Variants in SGCD observed in about 807,000 individuals in gnomAD.
The protein encoded by SGCD is sarcoglycan delta, also known as delta-sarcoglycan.
In SGCD, 18 loss-of-function variants were observed where a neutral mutation model predicts 36.6. The observed-to-expected ratio is 0.49, with a 90% CI of 0.34 to 0.73. The LOEUF (loss-of-function observed/expected upper bound fraction) is 0.73. Among genes scored for constraint, SGCD ranks in the 30% least tolerant of loss-of-function variants. The pLI is 0.01. For missense variants in SGCD, 387 were observed against 346.7 expected (o/e 1.12, Z -0.92); for synonymous variants, 133 against 130.6 (o/e 1.02, Z -0.12).
chr5:156,607,368 A>G (rs1241369006), intron 6 of SGCD, among the ~76,000 whole-genome samples: 1 of 152,202 alleles, frequency 6.6e-6, no homozygotes, highest in Non-Finnish European at 1.5e-5. Context: ...GTGTATGTTG[A>G]ACCAGCCTTG....
rs113134499 is a variant in SGCD, at chr5:156,573,104, C to A, written c.295-16127C>A. Among the ~76,000 whole-genome samples the A allele has an allele frequency of 2.2e-3, 336 of 152,036 alleles. 1 individual carries two copies. Among genetic ancestry groups the A allele is most frequent in the African/African-American group, 7.6e-3 (316 of 41,486 alleles). On this transcript the variant is annotated intron_variant, in intron 4 of 8. Coordinates refer to ENST00000337851, the MANE Select transcript of SGCD (RefSeq NM_000337.6). ...TATGATTATGAACATATTGTTTATT[C>A]ATGACTTTTTATGATCATAAAAACA...
chr5:155,860,075 CAGAG>C, the SGCD span, among the ~76,000 whole-genome samples: 3,189 of 152,288 alleles, frequency 0.021, 112 homozygotes, highest in African/African-American at 0.072. Context: ...AATGTGGAGG[CAGAG>C]AGAGAACAAT....
chr5:156,072,257 A>T (rs58999231), intron 1 of SGCD, among the ~76,000 whole-genome samples: 21,614 of 151,974 alleles, frequency 0.14, 1,791 homozygotes, highest in Admixed American at 0.22. Context: ...ATGATTTTGC[A>T]GTGGCTGGTA....
intron 3 of SGCD, among the ~76,000 whole-genome samples, chr5:156,474,330 GT>G (rs1755091108): frequency 1.4e-5 from 2 of 146,374 alleles, no homozygotes; most frequent in Non-Finnish European, 3.1e-5. Context: ...TGCAAGCACC[GT>G]GTGTCAGGAT....
chr5:156,033,094 A>G (rs1561689519), intron 1 of SGCD, among the ~76,000 whole-genome samples: 1 of 149,430 alleles, frequency 6.7e-6, no homozygotes, highest in Non-Finnish European at 1.5e-5. Context: ...ATAAAATTAA[A>G]AATAGAATAC....
intron 3 of SGCD, among the ~76,000 whole-genome samples, chr5:156,139,639 T>C (rs1762529056): frequency 6.6e-6 from 1 of 152,158 alleles, no homozygotes; most frequent in Admixed American, 6.5e-5. Flanking sequence ...TTCTTACAGT[T>C]TGGGCAGGAG....
chr5:156,200,238 G>A (rs1764112230), intron 3 of SGCD, among the ~76,000 whole-genome samples: 1 of 152,082 alleles, frequency 6.6e-6, no homozygotes, highest in African/African-American at 2.4e-5. Flanking sequence ...CAGAGGTAGA[G>A]GACCTTCTCT....
the SGCD span, among the ~76,000 whole-genome samples, chr5:155,771,021 A>C: frequency 6.6e-6 from 1 of 152,122 alleles, no homozygotes; most frequent in Non-Finnish European, 1.5e-5. Context: ...AATTTTTGAC[A>C]TCAAAAAAAC....
chr5:155,739,743 C>T, the SGCD span, among the ~76,000 whole-genome samples: 1 of 152,118 alleles, frequency 6.6e-6, no homozygotes, highest in East Asian at 1.9e-4. Flanking sequence ...ATGGAAGAGA[C>T]TGAGGCAGCT....
At chr5:156,222,731 A>G (rs1764746957) in intron 3 of SGCD, among the ~76,000 whole-genome samples, 1 of 152,150 alleles carries the variant, frequency 6.6e-6, no homozygotes, top group South Asian at 2.1e-4. Flanking sequence ...AGTAAATAAC[A>G]TTTTAAATAC....
At position 156,508,811 on chromosome 5, in the gene SGCD, C is replaced by G. The variant is rs568681753; in HGVS notation, c.294+109C>G. The G allele has an allele frequency of 7.0e-5, 42 of 604,282 alleles. No homozygotes were observed. The African/African-American group carries it at 7.0e-4, about 10-fold the overall frequency. 37.4% of individuals were successfully genotyped at this position (604,282 alleles called of 1,614,324 possible). A position where few individuals can be genotyped will look rare whatever the true frequency, so the allele number is the denominator to read the frequency against. ...CAGAGAATTGGGGTGGGGAGTAATACTGGTATTAAGATGAATTTGCTTTCT... is the reference window on the plus strand; with the variant it reads ...CAGAGAATTGGGGTGGGGAGTAATAGTGGTATTAAGATGAATTTGCTTTCT... On this transcript the variant is annotated intron_variant, in intron 4 of 8. Coordinates refer to ENST00000337851, the MANE Select transcript of SGCD (RefSeq NM_000337.6).
chr5:156,081,955 A>C (rs971770308), intron 1 of SGCD, among the ~76,000 whole-genome samples: 13 of 152,076 alleles, frequency 8.5e-5, no homozygotes, highest in African/African-American at 3.1e-4. Context: ...AATTTTAGAG[A>C]TATAGTAAAT....
At chr5:156,526,669 A>G (rs1356238991) in intron 4 of SGCD, among the ~76,000 whole-genome samples, 1 of 152,218 alleles carries the variant, frequency 6.6e-6, no homozygotes. Flanking sequence ...TATGAAGCCA[A>G]TTGCCATTCC....
At chr5:156,273,238 C>T (rs1766226106) in intron 3 of SGCD, among the ~76,000 whole-genome samples, 1 of 152,158 alleles carries the variant, frequency 6.6e-6, no homozygotes, top group Non-Finnish European at 1.5e-5. Context: ...TTACCATTCC[C>T]TTAAGTGGAA....
At chr5:156,261,588 AC>A (rs1765867044) in intron 3 of SGCD, among the ~76,000 whole-genome samples, 1 of 152,216 alleles carries the variant, frequency 6.6e-6, no homozygotes, top group Non-Finnish European at 1.5e-5. Flanking sequence ...TATACTATAT[AC>A]TTTTTATCAT....
intron 3 of SGCD, among the ~76,000 whole-genome samples, chr5:156,268,280 G>C (rs1766055172): frequency 6.6e-6 from 1 of 152,132 alleles, no homozygotes. Context: ...ATTGTGAATA[G>C]TTCTGCAGTG....
chr5:156,091,550 A>T (rs1761244195), intron 1 of SGCD, among the ~76,000 whole-genome samples: 1 of 152,194 alleles, frequency 6.6e-6, no homozygotes, highest in African/African-American at 2.4e-5. Flanking sequence ...GTCAAGGTAT[A>T]GCTTCCAATC....
At chr5:156,385,469 TTAAAGA>T (rs1407107799) in intron 3 of SGCD, among the ~76,000 whole-genome samples, 5 of 152,356 alleles carry the variant, frequency 3.3e-5, no homozygotes, top group African/African-American at 1.2e-4. Context: ...CATTTTGAAG[TTAAAGA>T]TAAAACCATC....
At chr5:156,547,186 G>A (rs746563802) in intron 4 of SGCD, among the ~76,000 whole-genome samples, 1 of 152,012 alleles carries the variant, frequency 6.6e-6, no homozygotes, top group Non-Finnish European at 1.5e-5. Flanking sequence ...ATACATTTGG[G>A]GCCAGATTTC....
Sources: allele counts gnomAD v4.1 joint callset (sites outside exome capture counted in the v4.1 genomes callset), GRCh38; gene constraint gnomAD v4.1.1; transcripts MANE v1.5; gene names NCBI Gene and HGNC (gene_info 2026-07-23, HGNC 2026-07-21).